Variants in SGCZ observed in about 807,000 individuals in gnomAD.
SGCZ encodes zeta-sarcoglycan.
In SGCZ, 40 loss-of-function variants were observed where a neutral mutation model predicts 41.3. The ratio of observed to expected loss-of-function variants is 0.97; its 90% CI spans 0.75 to 1.26. SGCZ has a LOEUF of 1.26. Among genes scored for constraint, SGCZ ranks in the 50% most tolerant of loss-of-function variants. The pLI, the probability that SGCZ is intolerant of heterozygous loss-of-function variation, is 0.00. For synonymous variants in SGCZ, 206 were observed against 137.5 expected, an observed-to-expected ratio of 1.50 and a Z score of -3.49; for missense variants, 552 against 369.8, an observed-to-expected ratio of 1.49 and a Z score of -4.04.
At chr8:14,668,495 C>G (rs915086612) in intron 1 of SGCZ, among the ~76,000 whole-genome samples, 7 of 152,106 alleles carry the variant, frequency 4.6e-5, no homozygotes, top group African/African-American at 1.4e-4. Context: ...AAATTTAAAA[C>G]CTGAAACTCC....
chr8:14,373,085 AGAG>A (rs562052304), intron 2 of SGCZ, among the ~76,000 whole-genome samples: 96 of 152,290 alleles, frequency 6.3e-4, no homozygotes, highest in Non-Finnish European at 1.2e-3. Context: ...GCAATAATCT[AGAG>A]GAAAGAAAAT....
At chr8:14,733,873 T>C (rs1409058292) in intron 1 of SGCZ, among the ~76,000 whole-genome samples, 1 of 152,192 alleles carries the variant, frequency 6.6e-6, no homozygotes, top group Non-Finnish European at 1.5e-5. Flanking sequence ...TTGTTAATCG[T>C]ATACCCATGA....
intron 1 of SGCZ, among the ~76,000 whole-genome samples, chr8:14,599,913 C>G (rs1805532752): frequency 6.6e-6 from 1 of 152,124 alleles, no homozygotes; most frequent in Admixed American, 6.6e-5. Context: ...TTCTTCACAT[C>G]ACTTCATAGG....
At chr8:14,194,620 C>A (rs569729920) in intron 4 of SGCZ, among the ~76,000 whole-genome samples, 1 of 151,838 alleles carries the variant, frequency 6.6e-6, no homozygotes, top group African/African-American at 2.4e-5. Flanking sequence ...TGCTTCTGGC[C>A]AATATAGAGT....
At chr8:14,261,737 T>G (rs1799675329) in intron 3 of SGCZ, among the ~76,000 whole-genome samples, 1 of 152,274 alleles carries the variant, frequency 6.6e-6, no homozygotes, top group East Asian at 1.9e-4. Context: ...GAAGATTCAC[T>G]TTAGGATGGA....
At chr8:14,190,897 C>T (rs558856046) in intron 4 of SGCZ, among the ~76,000 whole-genome samples, 4 of 152,286 alleles carry the variant, frequency 2.6e-5, no homozygotes, top group East Asian at 3.9e-4. Context: ...CCACCACACC[C>T]GGCTAATTTA....
At chr8:14,494,443 T>C (rs562613391) in intron 2 of SGCZ, among the ~76,000 whole-genome samples, 1 of 152,268 alleles carries the variant, frequency 6.6e-6, no homozygotes, top group Non-Finnish European at 1.5e-5. Flanking sequence ...GATATTTCAC[T>C]CCCTAATTTT....
At chr8:15,184,479 G>A (rs752955621) in intron 1 of SGCZ, among the ~76,000 whole-genome samples, 1 of 151,952 alleles carries the variant, frequency 6.6e-6, no homozygotes, top group Non-Finnish European at 1.5e-5. Flanking sequence ...TGAGTTTCCA[G>A]TTACTCTTCA....
At chr8:15,085,300 C>T (rs1805907733) in intron 1 of SGCZ, among the ~76,000 whole-genome samples, 1 of 152,130 alleles carries the variant, frequency 6.6e-6, no homozygotes, top group African/African-American at 2.4e-5. Flanking sequence ...CAATGCCTAG[C>T]ACCTTAAATG....
intron 1 of SGCZ, among the ~76,000 whole-genome samples, chr8:14,626,773 A>C (rs1806473782): frequency 6.6e-6 from 1 of 152,212 alleles, no homozygotes; most frequent in Non-Finnish European, 1.5e-5. Context: ...AGCCCTCAGA[A>C]GGAACCAAGG....
chr8:14,431,278 G>A (rs1198467314), intron 2 of SGCZ, among the ~76,000 whole-genome samples: 1 of 152,156 alleles, frequency 6.6e-6, no homozygotes, highest in East Asian at 1.9e-4. Context: ...CACATTACCT[G>A]ATTTCAAATG....
intron 2 of SGCZ, among the ~76,000 whole-genome samples, chr8:14,489,775 G>A (rs11203616): frequency 0.5 from 74,302 of 148,616 alleles, 18,524 homozygotes; most frequent in East Asian, 0.67. Flanking sequence ...CTAGGCCTCA[G>A]TTAATAAACA....
intron 1 of SGCZ, among the ~76,000 whole-genome samples, chr8:14,645,478 T>TATATATATATA (rs1807178145): frequency 1.9e-5 from 2 of 106,594 alleles, no homozygotes; most frequent in Admixed American, 2.0e-4. Context: ...ATATATATAT[T>TATATATATATA]TATATGTATA....
intron 1 of SGCZ, among the ~76,000 whole-genome samples, chr8:15,133,867 C>A (rs1183358681): frequency 1.3e-5 from 2 of 152,122 alleles, no homozygotes; most frequent in African/African-American, 4.8e-5. Flanking sequence ...AACCACTTAA[C>A]AATGATCCTT....
chr8:14,761,015 G>A (rs1042595476), intron 1 of SGCZ, among the ~76,000 whole-genome samples: 3 of 152,088 alleles, frequency 2.0e-5, no homozygotes, highest in Admixed American at 6.6e-5. Context: ...TGGGGATTTC[G>A]AAGATAAGTT....
chr8:14,690,910 T>A (rs1326269685), intron 1 of SGCZ, among the ~76,000 whole-genome samples: 1 of 152,180 alleles, frequency 6.6e-6, no homozygotes, highest in Non-Finnish European at 1.5e-5. Context: ...TATAAAGTCA[T>A]GTATGTGCTG....
intron 2 of SGCZ, among the ~76,000 whole-genome samples, chr8:14,442,160 G>A (rs1800289629): frequency 6.6e-6 from 1 of 152,178 alleles, no homozygotes; most frequent in Non-Finnish European, 1.5e-5. Context: ...GTTTGGCTGT[G>A]TCACTACCCA....
At chr8:14,668,927 TGTG>T (rs1339025142) in intron 1 of SGCZ, among the ~76,000 whole-genome samples, 31 of 101,830 alleles carry the variant, frequency 3.0e-4, no homozygotes, top group African/African-American at 1.7e-3. Flanking sequence ...CTTGTGTGTG[TGTG>T]TGTGTATGTG....
At chr8:14,469,696 T>C (rs1352302626) in intron 2 of SGCZ, among the ~76,000 whole-genome samples, 2 of 151,856 alleles carry the variant, frequency 1.3e-5, no homozygotes, top group Non-Finnish European at 2.9e-5. Context: ...CACCCCTGGC[T>C]TTCAGGGAGG....
Sources: allele counts gnomAD v4.1 joint callset (sites outside exome capture counted in the v4.1 genomes callset), GRCh38; gene constraint gnomAD v4.1.1; transcripts MANE v1.5; gene names NCBI Gene and HGNC (gene_info 2026-07-23, HGNC 2026-07-21).